The following RSPO2 variants were observed in gnomAD, a reference collection of about 807,000 sequenced individuals.
RSPO2 encodes R-spondin-2.
Under a neutral mutation model 30.9 loss-of-function variants are expected in RSPO2, and 14 were observed. The ratio of observed to expected loss-of-function variants is 0.45; its 90% confidence interval spans 0.30 to 0.71. RSPO2 has a LOEUF of 0.71. Among genes scored for constraint, RSPO2 ranks in the 30% least tolerant of loss-of-function variants. The probability of loss-of-function intolerance (pLI) is 0.08; values close to 1 mark genes in which losing one functional copy is unlikely to be tolerated. For missense variants in RSPO2, 264 were observed against 301.9 expected (o/e 0.87, Z 0.93); for synonymous variants, 107 against 96.4 (o/e 1.11, Z -0.64).
chr8:108,047,668 T>C (rs138218454), intron 2 of RSPO2, among the ~76,000 whole-genome samples: 2 of 152,032 alleles, frequency 1.3e-5, no homozygotes, highest in African/African-American at 4.8e-5. Context: ...ACCAACATAG[T>C]GAAACCCCGT....
intron 2 of RSPO2, among the ~76,000 whole-genome samples, chr8:108,028,354 T>A (rs988850718): frequency 2.0e-5 from 3 of 152,180 alleles, no homozygotes; most frequent in African/African-American, 7.2e-5. Flanking sequence ...CTGGAAGTAA[T>A]TTCTCTTTAC....
At chr8:107,992,090 T>C (rs1814864973) in intron 2 of RSPO2, among the ~76,000 whole-genome samples, 1 of 151,826 alleles carries the variant, frequency 6.6e-6, no homozygotes, top group South Asian at 2.1e-4. Flanking sequence ...CACACATATG[T>C]TCATTGCAGC....
chr8:108,081,971 CT>C, intron 2 of RSPO2: 1 of 980,742 alleles, frequency 1.0e-6, no homozygotes, highest in Non-Finnish European at 1.2e-6. Flanking sequence ...CTATGTTGGC[CT>C]TTTTCTGGAA....
intron 3 of RSPO2, among the ~76,000 whole-genome samples, chr8:107,980,061 T>C (rs931446024): frequency 6.6e-6 from 1 of 152,156 alleles, no homozygotes; most frequent in South Asian, 2.1e-4. Context: ...CTTTACCCTC[T>C]TACTCTTACT....
intron 2 of RSPO2, among the ~76,000 whole-genome samples, chr8:108,059,975 A>G (rs1194000210): frequency 6.6e-6 from 1 of 151,596 alleles, no homozygotes; most frequent in Non-Finnish European, 1.5e-5. Flanking sequence ...CACATTGTGC[A>G]CATGTACCCT....
At position 107,989,188 on chromosome 8, in the gene RSPO2, C is replaced by T; in HGVS notation, c.151G>A (p.Gly51Arg). 1 of 1,607,272 alleles carries T rather than the reference C, an allele frequency of 6.2e-7. No individual in the cohort carries two copies. The highest frequency in any genetic ancestry group is 8.5e-7 in the Non-Finnish European group (1 of 1,177,844). ...KGCLSCSKDN[G>R]CSRCQQKLFF... ...AACTTCTGTTGACATCGGCTACACC[C>T]ATTGTCCTTTGAACAAGACAAACAA... The change falls in exon 3 of 6, where the codon GGG (glycine) becomes AGG (arginine). Residue 51 changes from glycine (G) to arginine (R), a missense_variant. Gly to Arg is a moderately radical substitution (Grantham distance 125, BLOSUM62 -2). Coordinates refer to ENST00000276659, the MANE Select transcript of RSPO2 (RefSeq NM_178565.5).
intron 2 of RSPO2, among the ~76,000 whole-genome samples, chr8:108,019,622 A>T (rs561877245): frequency 1.3e-5 from 2 of 152,272 alleles, no homozygotes; most frequent in East Asian, 3.9e-4. Context: ...CTTTGCCCTC[A>T]AATCAAGCTG....
At chr8:107,995,305 G>A (rs1814980435) in intron 2 of RSPO2, among the ~76,000 whole-genome samples, 2 of 152,016 alleles carry the variant, frequency 1.3e-5, no homozygotes, top group South Asian at 4.1e-4. Context: ...AACCAATTCT[G>A]ATGAAAAATC....
At chr8:107,941,027 C>T (rs547852950) in intron 5 of RSPO2, among the ~76,000 whole-genome samples, 1 of 152,036 alleles carries the variant, frequency 6.6e-6, no homozygotes, top group Non-Finnish European at 1.5e-5. Context: ...TCTTGAATCA[C>T]TTCATTATCA....
At chr8:108,003,306 TA>T (rs1815335370) in intron 2 of RSPO2, among the ~76,000 whole-genome samples, 7 of 19,064 alleles carry the variant, frequency 3.7e-4, no homozygotes, top group East Asian at 6.9e-4. Flanking sequence ...TATATATATA[TA>T]TATATTTTTT....
intron 2 of RSPO2, among the ~76,000 whole-genome samples, chr8:108,022,004 C>T (rs965132038): frequency 1.3e-5 from 2 of 152,076 alleles, no homozygotes; most frequent in Non-Finnish European, 2.9e-5. Context: ...GAGGAACTGC[C>T]ATCCATGATG....
intron 2 of RSPO2, among the ~76,000 whole-genome samples, chr8:108,004,391 A>T (rs546050595): frequency 6.6e-6 from 1 of 152,312 alleles, no homozygotes; most frequent in East Asian, 1.9e-4. Flanking sequence ...TTGAAGATAG[A>T]TCCTGCCCTG....
rs1811399346 is a variant in RSPO2 at position 107,900,169 on chromosome 8, T to C, written c.*906A>G. ...CATCACATCTTAGACTCAAAGGCAG[T>C]TTGGGCTTCTGATTGCCAGATGCCG... On this transcript the variant is annotated 3_prime_UTR_variant, in exon 6 of 6. Coordinates refer to ENST00000276659, the MANE Select transcript of RSPO2 (RefSeq NM_178565.5). The C allele has an allele frequency of 6.6e-6, 1 of 152,196 alleles. No homozygotes were observed. The highest frequency in any genetic ancestry group is 2.1e-4 in the South Asian group (1 of 4,832). The allele number at this position is 152,196 out of a possible 1,614,324, so 9.4% of individuals were successfully genotyped here.
chr8:107,999,036 C>CA (rs1815131682), intron 2 of RSPO2, among the ~76,000 whole-genome samples: 1 of 152,000 alleles, frequency 6.6e-6, no homozygotes, highest in African/African-American at 2.4e-5. Context: ...ACTCCATCTC[C>CA]AAAAACATAA....
rs1355697593 is a variant in RSPO2 at position 107,900,499 on chromosome 8, A to C, written c.*576T>G. The C allele has an allele frequency of 1.3e-5, 2 of 152,582 alleles. No homozygotes were observed. The highest frequency in any genetic ancestry group is 2.4e-5 in the African/African-American group (1 of 41,466). The allele number at this position is 152,582 out of a possible 1,614,324, so 9.5% of individuals were successfully genotyped here. ...ACAAGAAAGCATAAATATACAGTAA[A>C]TAAGAGCTTTATATGTAGCTCCTGC... On this transcript the variant is annotated 3_prime_UTR_variant, in exon 6 of 6. Coordinates refer to ENST00000276659, the MANE Select transcript of RSPO2 (RefSeq NM_178565.5).
intron 5 of RSPO2, among the ~76,000 whole-genome samples, chr8:107,956,173 GAA>G (rs527449472): frequency 1.4e-4 from 21 of 152,178 alleles, no homozygotes; most frequent in African/African-American, 4.3e-4. Flanking sequence ...CCTTATTACA[GAA>G]TAATTTGCCA....
chr8:107,906,885 T>G (rs949858845), intron 5 of RSPO2, among the ~76,000 whole-genome samples: 34 of 152,134 alleles, frequency 2.2e-4, no homozygotes, highest in African/African-American at 7.2e-4. Context: ...AATTAACACA[T>G]CCATCACCTA....
chr8:108,004,633 T>C (rs1188230229), intron 2 of RSPO2, among the ~76,000 whole-genome samples: 3 of 152,196 alleles, frequency 2.0e-5, no homozygotes, highest in Non-Finnish European at 2.9e-5. Flanking sequence ...AAACTGTAAA[T>C]GGTACTTGAT....
chr8:107,958,695 C>T (rs1442650925), intron 4 of RSPO2, among the ~76,000 whole-genome samples: 1 of 152,150 alleles, frequency 6.6e-6, no homozygotes, highest in Non-Finnish European at 1.5e-5. Flanking sequence ...TCTCCCTCCC[C>T]GCATCGCCCC....
Sources: allele counts gnomAD v4.1 joint callset (sites outside exome capture counted in the v4.1 genomes callset), GRCh38; gene constraint gnomAD v4.1.1; transcripts MANE v1.5; gene names NCBI Gene and HGNC (gene_info 2026-07-23, HGNC 2026-07-21).